The following EFNA5 variants were observed in gnomAD, a reference collection of about 807,000 sequenced individuals.
EFNA5 encodes ephrin A5.
A neutral mutation model predicts 22.9 loss-of-function variants in EFNA5; 5 were observed. That is an observed-to-expected ratio of 0.22 (90% CI 0.11 to 0.46). The LOEUF is 0.46. Ranked by LOEUF, EFNA5 falls within the 20% of genes least tolerant of loss-of-function variation. EFNA5 has a pLI of 0.99. For synonymous variants in EFNA5, 113 were observed against 112.2 expected (o/e 1.01, Z -0.04); for missense variants, 237 against 293.3 (o/e 0.81, Z 1.40).
intron 1 of EFNA5, among the ~76,000 whole-genome samples, chr5:107,606,073 A>G (rs1299845970): frequency 6.6e-6 from 1 of 152,226 alleles, no homozygotes; most frequent in Non-Finnish European, 1.5e-5. Context: ...CTCCAAATCA[A>G]TGCAGCATGA....
chr5:107,548,752 T>A (rs1748223923), intron 1 of EFNA5, among the ~76,000 whole-genome samples: 1 of 152,192 alleles, frequency 6.6e-6, no homozygotes, highest in Non-Finnish European at 1.5e-5. Context: ...GTCAGTTTCC[T>A]CATCTGTAGG....
At chr5:107,625,136 A>G (rs1431974245) in intron 1 of EFNA5, among the ~76,000 whole-genome samples, 2 of 152,174 alleles carry the variant, frequency 1.3e-5, no homozygotes, top group Non-Finnish European at 2.9e-5. Context: ...TGTAGCAACT[A>G]ATTTTTGAAA....
intron 1 of EFNA5, among the ~76,000 whole-genome samples, chr5:107,533,923 C>T (rs956634517): frequency 1.3e-5 from 2 of 152,210 alleles, no homozygotes; most frequent in African/African-American, 4.8e-5. Flanking sequence ...AGAGCCTGAA[C>T]CACACTTTAC....
rs148726645 is a variant in EFNA5 at position 107,458,145 on chromosome 5, A to G, written c.126-30636T>C. Among the ~76,000 whole-genome samples, 3 of 152,310 alleles carry G rather than the reference A, an allele frequency of 2.0e-5. No individual in the cohort carries two copies. In the East Asian group the frequency reaches 5.8e-4, roughly 29 times the overall value. ...GCTAAATGTAATGCTCAATGAGAGTAAGATACTACTTTTGATATATTTGTT... is the reference window on the plus strand; with the variant it reads ...GCTAAATGTAATGCTCAATGAGAGTGAGATACTACTTTTGATATATTTGTT... On this transcript the variant is annotated intron_variant, in intron 1 of 4. Coordinates refer to ENST00000333274, the MANE Select transcript of EFNA5 (RefSeq NM_001962.3).
chr5:107,424,233 G>C (rs1423495044), intron 2 of EFNA5, among the ~76,000 whole-genome samples: 22 of 121,142 alleles, frequency 1.8e-4, no homozygotes, highest in African/African-American at 7.1e-4. Flanking sequence ...TTGAGACGGA[G>C]TCTCACTCTG....
At chr5:107,511,041 T>TGTGTGTGTGTGAGA (rs1363882358) in intron 1 of EFNA5, among the ~76,000 whole-genome samples, 6 of 149,754 alleles carry the variant, frequency 4.0e-5, no homozygotes, top group African/African-American at 1.2e-4. Flanking sequence ...TGTGTGTGTG[T>TGTGTGTGTGTGAGA]GAGACGGAGA....
At chr5:107,540,619 T>C (rs552099509) in intron 1 of EFNA5, among the ~76,000 whole-genome samples, 16 of 152,296 alleles carry the variant, frequency 1.1e-4, no homozygotes, top group African/African-American at 3.9e-4. Context: ...TTATTAAAGC[T>C]AATGAAAAGA....
At chr5:107,618,814 G>A (rs1749975511) in intron 1 of EFNA5, among the ~76,000 whole-genome samples, 1 of 152,084 alleles carries the variant, frequency 6.6e-6, no homozygotes, top group Admixed American at 6.6e-5. Flanking sequence ...AAGGAATGAG[G>A]TATCTTTTCA....
chr5:107,557,369 C>T (rs774843929), intron 1 of EFNA5, among the ~76,000 whole-genome samples: 4 of 149,920 alleles, frequency 2.7e-5, no homozygotes, highest in East Asian at 1.9e-4. Context: ...TGAGAAGGGG[C>T]GAGAGAGGGA....
intron 1 of EFNA5, among the ~76,000 whole-genome samples, chr5:107,437,599 G>C (rs1172473679): frequency 6.6e-6 from 1 of 152,146 alleles, no homozygotes; most frequent in Admixed American, 6.6e-5. Context: ...TTTACGTATA[G>C]ATCTCCTTGA....
chr5:107,493,867 CAT>C (rs1580492427), intron 1 of EFNA5, among the ~76,000 whole-genome samples: 3 of 152,272 alleles, frequency 2.0e-5, no homozygotes, highest in East Asian at 3.9e-4. Context: ...TTATTACCCA[CAT>C]GTCACAGATG....
intron 2 of EFNA5, among the ~76,000 whole-genome samples, chr5:107,411,924 C>A (rs1381250561): frequency 6.6e-6 from 1 of 152,108 alleles, no homozygotes; most frequent in Non-Finnish European, 1.5e-5. Context: ...AAATGGAGAA[C>A]CTTAATGAAT....
chr5:107,528,891 G>A (rs1747753134), intron 1 of EFNA5, among the ~76,000 whole-genome samples: 1 of 152,122 alleles, frequency 6.6e-6, no homozygotes, highest in Non-Finnish European at 1.5e-5. Context: ...GTGGTTAGAA[G>A]CTTTATTTGT....
At position 107,603,362 on chromosome 5, in the gene EFNA5, C is replaced by T. The variant is rs528415938; in HGVS notation, c.125+67127G>A. Among the ~76,000 whole-genome samples, 3 of 152,270 alleles carry T rather than the reference C, an allele frequency of 2.0e-5. No individual in the cohort carries two copies. The East Asian group carries it at 5.8e-4, about 29-fold the overall frequency. On this transcript the variant is annotated intron_variant, in intron 1 of 4. Coordinates refer to ENST00000333274, the MANE Select transcript of EFNA5 (RefSeq NM_001962.3). ...GGAAATATCATGGCAATTTTTATCC[C>T]TCACTTTCATATAAATTTAGAGGCT... is the stretch of plus-strand genomic sequence containing the variant.
At chr5:107,513,853 G>T (rs887463364) in intron 1 of EFNA5, among the ~76,000 whole-genome samples, 1 of 152,144 alleles carries the variant, frequency 6.6e-6, no homozygotes, top group Admixed American at 6.5e-5. Context: ...GAGCAGAGGG[G>T]AGAGGAAATA....
intron 1 of EFNA5, among the ~76,000 whole-genome samples, chr5:107,622,881 C>A (rs164690): frequency 6.6e-6 from 1 of 150,542 alleles, no homozygotes; most frequent in Middle Eastern, 3.2e-3. Context: ...ATTAGCCGGG[C>A]GCGGTGGCGG....
chr5:107,609,547 G>A (rs1163175534), intron 1 of EFNA5, among the ~76,000 whole-genome samples: 1 of 152,126 alleles, frequency 6.6e-6, no homozygotes, highest in Non-Finnish European at 1.5e-5. Context: ...TGTACCCAAT[G>A]CTGATCCATG....
At chr5:107,513,535 A>T (rs539954219) in intron 1 of EFNA5, among the ~76,000 whole-genome samples, 21 of 152,188 alleles carry the variant, frequency 1.4e-4, no homozygotes, top group African/African-American at 4.8e-4. Context: ...TTAGAATTTT[A>T]AAACGAGAAC....
At chr5:107,551,176 G>GTA (rs1748285869) in intron 1 of EFNA5, among the ~76,000 whole-genome samples, 1 of 152,158 alleles carries the variant, frequency 6.6e-6, no homozygotes, top group Non-Finnish European at 1.5e-5. Context: ...AGATAGAGAT[G>GTA]TAGGTTAATT....
Sources: allele counts gnomAD v4.1 joint callset (sites outside exome capture counted in the v4.1 genomes callset), GRCh38; gene constraint gnomAD v4.1.1; transcripts MANE v1.5; gene names NCBI Gene and HGNC (gene_info 2026-07-23, HGNC 2026-07-21).